Variants in BTN2A1 observed in about 807,000 individuals in gnomAD.
BTN2A1 encodes butyrophilin, subfamily 2, member A1.
Under a neutral mutation model 34.5 loss-of-function variants are expected in BTN2A1, and 41 were observed. The observed-to-expected ratio is 1.19, with a 90% confidence interval of 0.93 to 1.54. The LOEUF (loss-of-function observed/expected upper bound fraction) is 1.54, where lower values mean the gene tolerates loss of function less well. Among genes scored for constraint, BTN2A1 ranks in the 40% most tolerant of loss-of-function variants. The pLI, the probability that BTN2A1 is intolerant of heterozygous loss-of-function variation, is 0.00. For synonymous variants in BTN2A1, 267 were observed against 258.6 expected, an observed-to-expected ratio of 1.03 and a Z score of -0.31; for missense variants, 642 against 662.0, an observed-to-expected ratio of 0.97 and a Z score of 0.33.
intron 3 of BTN2A1, chr6:26,463,036 GT>G: frequency 1.1e-6 from 1 of 933,414 alleles, no homozygotes; most frequent in East Asian, 2.9e-5. Flanking sequence ...AGAGCTCACA[GT>G]TTATGTGGCC....
rs41267929 is a variant in BTN2A1 at position 26,468,766 on chromosome 6, A to G, written c.*217A>G. On this transcript the variant is annotated 3_prime_UTR_variant, in exon 8 of 8. Transcript: ENST00000312541. ...TAGTTCCTTTGCTTGTAACTATGGG[A>G]TGGGATCCAGGCATAGGGAACTAGT... The G allele has an allele frequency of 0.056, 90,676 of 1,606,022 alleles. 2,808 individuals carry two copies. The highest frequency in any genetic ancestry group is 0.08 in the Middle Eastern group (483 of 6,022).
chr6:26,462,369 TAAGAA>T (rs1763188483), intron 3 of BTN2A1, among the ~76,000 whole-genome samples: 1 of 151,930 alleles, frequency 6.6e-6, no homozygotes, highest in Non-Finnish European at 1.5e-5. Flanking sequence ...CCAAGTACTA[TAAGAA>T]AATCACCCAG....
intron 2 of BTN2A1, 118 bp downstream of exon 2, chr6:26,458,836 A>G (rs1763082195): frequency 2.3e-6 from 3 of 1,315,334 alleles, no homozygotes; most frequent in African/African-American, 1.5e-5. Context: ...CATTCTGAAC[A>G]TGTTCATTGA....
rs368576613 is a variant in BTN2A1 at position 26,465,936 on chromosome 6, CTTTG to C, written c.935-9_935-6del. ...GTTCTTCTGTCAAAGACATGATTTT[CTTTG>C]TTTGTTTTTCAGAGAAACTTCAAGA... On this transcript the variant is annotated splice_polypyrimidine_tract_variant and intron_variant, in intron 5 of 7. Transcript: ENST00000312541. 1.9e-3 allele frequency: 3,015 copies of C among 1,614,124 alleles called. 15 individuals carry two copies. The highest frequency in any genetic ancestry group is 0.016 in the African/African-American group (1,236 of 75,030).
Position 26,465,218 on chromosome 6 carries a change from T to C in BTN2A1, c.746T>C (p.Val249Ala). ...ATGCCCAGTGTGTCTCCCTGTGCAG[T>C]GGCCCTGCCTATCATTGTGGTTATT... ...SFMPSVSPCA[V>A]ALPIIVVILM... Residue 249 changes from valine (V) to alanine (A), a missense_variant, in exon 5 of 8, where the codon GTG (valine) becomes GCG (alanine). By Grantham distance (64) the Val-to-Ala change is moderately conservative. Transcript: ENST00000312541. 2 of 1,614,210 alleles carry C rather than the reference T, an allele frequency of 1.2e-6. No individual in the cohort carries two copies. Among genetic ancestry groups the C allele is most frequent in the Non-Finnish European group, 1.7e-6 (2 of 1,180,008 alleles).
Position 26,458,620 on chromosome 6 carries a change from G to A in BTN2A1, c.-17G>A, listed in dbSNP as rs765509634. The A allele has an allele frequency of 7.4e-6, 12 of 1,613,838 alleles. No individual in the cohort carries two copies. Among genetic ancestry groups the A allele is most frequent in the Non-Finnish European group, 1.0e-5 (12 of 1,179,898 alleles). On this transcript the variant is annotated 5_prime_UTR_variant, in exon 2 of 8. Coordinates refer to ENST00000312541, the MANE Select transcript of BTN2A1 (RefSeq NM_007049.5). ...CTGTAACCCTAGGCCTCCTGTCCCT[G>A]CCTGCTCTGGGTGCTCATGGAATCA...
intron 3 of BTN2A1, chr6:26,462,775 G>A (rs567628867): frequency 4.3e-5 from 55 of 1,280,234 alleles, no homozygotes; most frequent in East Asian, 5.6e-5. Flanking sequence ...GCAGACTTTC[G>A]TCCTTCTCGT....
At chr6:26,464,129 A>G (rs762378494) in intron 4 of BTN2A1, among the ~76,000 whole-genome samples, 6 of 152,104 alleles carry the variant, frequency 3.9e-5, no homozygotes, top group Non-Finnish European at 5.9e-5. Flanking sequence ...GAAAACAACC[A>G]TAACATATGG....
At chr6:26,472,079 T>C (rs1763462160), downstream of BTN2A1, among the ~76,000 whole-genome samples, 1 of 152,246 alleles carries the variant, frequency 6.6e-6, no homozygotes, top group African/African-American at 2.4e-5. Context: ...GCTTGAAATG[T>C]CATACATGCC....
Position 26,468,618 on chromosome 6 carries a change from C to G in BTN2A1, c.*69C>G, listed in dbSNP as rs540347208. ...ATCTCAGCAGCCACCGCACAACACC[C>G]CTGGTGGAAGACACGCCCTCCTCCC... On this transcript the variant is annotated 3_prime_UTR_variant, in exon 8 of 8. Transcript: ENST00000312541. The G allele has an allele frequency of 2.5e-6, 4 of 1,614,160 alleles. No individual in the cohort carries two copies. The Admixed American group carries it at 5.0e-5, about 20-fold the overall frequency.
downstream of BTN2A1, among the ~76,000 whole-genome samples, chr6:26,474,589 TGA>T (rs1259983983): frequency 2.0e-5 from 3 of 151,926 alleles, no homozygotes; most frequent in Non-Finnish European, 2.9e-5. Flanking sequence ...ACTGAAAAGC[TGA>T]GAGGGGAACT....
At position 26,467,865 on chromosome 6, in the gene BTN2A1, C is replaced by A; in HGVS notation, c.983-83C>A. On this transcript the variant is annotated intron_variant, in intron 7 of 7. Coordinates refer to ENST00000312541, the MANE Select transcript of BTN2A1 (RefSeq NM_007049.5). ...TACGTGGGGATCCCTTCAGAGATATCTGAGACCTCTCTGGGGATCAGGAAC... is the reference window on the plus strand; with the variant it reads ...TACGTGGGGATCCCTTCAGAGATATATGAGACCTCTCTGGGGATCAGGAAC... 1.9e-6 allele frequency: 3 copies of A among 1,565,262 alleles called. No individual in the cohort carries two copies. In the South Asian group the frequency reaches 3.6e-5, roughly 19 times the overall value.
At position 26,468,180 on chromosome 6, in the gene BTN2A1, C is replaced by G. The variant is rs1763371711; in HGVS notation, c.1215C>G (p.Asp405Glu). The change falls in exon 8 of 8, where the codon GAC becomes GAG. Residue 405 changes from aspartate (D) to glutamate (E), a missense_variant. Coordinates refer to ENST00000312541, the MANE Select transcript of BTN2A1 (RefSeq NM_007049.5). ...AGTGGACTGTGGGGGTCTGTAGAGA[C>G]AGTGTTGAGAGGAAAGGGGAGGTCC... ...VIEWTVGVCRDSVERKGEVLL... is the reference protein window; with the variant it reads ...VIEWTVGVCRESVERKGEVLL... 2 of 1,614,026 alleles carry G rather than the reference C, an allele frequency of 1.2e-6. No individual in the cohort carries two copies. Among genetic ancestry groups the G allele is most frequent in the Middle Eastern group, 1.6e-4 (1 of 6,084 alleles).
chr6:26,459,803 G>C lies in BTN2A1; in HGVS notation c.405G>C (p.Glu135Asp). The C allele has an allele frequency of 6.2e-7, 1 of 1,613,890 alleles. No individual in the cohort carries two copies. Among genetic ancestry groups the C allele is most frequent in the South Asian group, 1.1e-5 (1 of 91,078 alleles). Residue 135 changes from glutamate (E) to aspartate (D), a missense_variant, in exon 3 of 8, where the codon GAG (glutamate) becomes GAC (aspartate). By Grantham distance (45) the Glu-to-Asp change is conservative. Coordinates refer to ENST00000312541, the MANE Select transcript of BTN2A1 (RefSeq NM_007049.5). ...CYFQEGRSYD[E>D]AILHLVVAGL... ...TCCAAGAAGGCAGGTCCTACGATGA[G>C]GCCATCCTGCACCTCGTAGTGGCAG...
At chr6:26,466,917 G>A (rs540807044) in intron 7 of BTN2A1, among the ~76,000 whole-genome samples, 13 of 152,242 alleles carry the variant, frequency 8.5e-5, no homozygotes, top group East Asian at 1.9e-4. Flanking sequence ...CAGAATGCCC[G>A]GAGTCTGGAG....
chr6:26,475,191 T>TGTCCCCAAC (rs1763517629), intron 7 of BTN2A1, among the ~76,000 whole-genome samples: 1 of 152,254 alleles, frequency 6.6e-6, no homozygotes, highest in African/African-American at 2.4e-5. Flanking sequence ...ATTTTCTAGA[T>TGTCCCCAAC]GTCCCCAACA....
chr6:26,465,857 TG>T, intron 5 of BTN2A1, 95 bp from the exon 6 acceptor site: 1 of 1,587,182 alleles, frequency 6.3e-7, no homozygotes, highest in Non-Finnish European at 8.6e-7. Flanking sequence ...GAGATGTTGC[TG>T]TTCATAGAAA....
At chr6:26,462,506 A>G (rs542287628) in intron 3 of BTN2A1, among the ~76,000 whole-genome samples, 1 of 152,316 alleles carries the variant, frequency 6.6e-6, no homozygotes, top group African/African-American at 2.4e-5. Context: ...TGATTTTGCC[A>G]CTGCACTCCA....
exon 8 of BTN2A1, chr6:26,476,341 C>A: frequency 1.3e-6 from 1 of 765,514 alleles, no homozygotes; most frequent in Non-Finnish European, 2.3e-6. Context: ...CTGACAGACT[C>A]ACACCAGTAT....
Sources: allele counts gnomAD v4.1 joint callset (sites outside exome capture counted in the v4.1 genomes callset), GRCh38; gene constraint gnomAD v4.1.1; transcripts MANE v1.5; gene names NCBI Gene and HGNC (gene_info 2026-07-23, HGNC 2026-07-21).